The following ARHGEF18 variants were observed in gnomAD, a reference collection of about 807,000 sequenced individuals.
ARHGEF18 encodes the protein Rho/Rac guanine nucleotide exchange factor 18, also known as rho guanine nucleotide exchange factor 18.
Under a neutral mutation model 155.7 loss-of-function variants are expected in ARHGEF18, and 93 were observed. The observed-to-expected ratio is 0.60, with a 90% confidence interval of 0.50 to 0.71. The LOEUF is 0.71. ARHGEF18 is among the 30% of genes least tolerant of loss of function. ARHGEF18 has a pLI of 0.00. For missense variants in ARHGEF18, 1,593 were observed against 1,816.1 expected, an observed-to-expected ratio of 0.88 and a Z score of 2.23; for synonymous variants, 742 against 753.1, an observed-to-expected ratio of 0.99 and a Z score of 0.24.
At position 7,440,817 on chromosome 19, in the gene ARHGEF18, T is replaced by A. The variant is rs1245234686; in HGVS notation, c.1106+335T>A. 6.6e-6 allele frequency among the ~76,000 whole-genome samples: 1 copy of A among 152,190 alleles called. No homozygotes were observed. The highest frequency in any genetic ancestry group is 1.5e-5 in the Non-Finnish European group (1 of 68,030). On this transcript the variant is annotated intron_variant, in intron 11 of 28. Coordinates refer to ENST00000668164, the MANE Select transcript of ARHGEF18 (RefSeq NM_001367823.1). The surrounding 1 kb of genome is among the most constrained non-coding windows in gnomAD (Gnocchi z 5.4). ...TGTGTGGAGGCGGCGTCCCATTATC[T>A]GTGCCTTACCTCGTTTTATAGGACT...
the ARHGEF18 span, chr19:7,478,338 C>T: frequency 1.8e-4 from 289 of 1,610,862 alleles, no homozygotes; most frequent in Non-Finnish European, 2.1e-4. Flanking sequence ...CGTGGGGCTC[C>T]GCAGCCTCTG....
chr19:7,425,406 G>C (rs1368560633), intron 10 of ARHGEF18, among the ~76,000 whole-genome samples: 1 of 152,134 alleles, frequency 6.6e-6, no homozygotes. Context: ...AGAATGGGCC[G>C]GGCACAGTGG....
intron 15 of ARHGEF18, 130 bp from the exon 16 acceptor site, chr19:7,451,019 A>T: frequency 1.2e-6 from 1 of 840,660 alleles, no homozygotes; most frequent in South Asian, 1.5e-5. Context: ...CGAGATGTTA[A>T]TATGGGATCT....
chr19:7,387,908 A>G (rs1400955493), intron 10 of ARHGEF18, among the ~76,000 whole-genome samples: 5 of 151,324 alleles, frequency 3.3e-5, no homozygotes, highest in African/African-American at 9.7e-5. Context: ...CAAGTGATAC[A>G]CCCACCTCAG....
intron 10 of ARHGEF18, chr19:7,390,662 C>T (rs1408483326): frequency 6.6e-6 from 1 of 152,126 alleles, no homozygotes; most frequent in Admixed American, 6.6e-5. Context: ...CATTTAAAGT[C>T]TTTCAGCCAG....
the ARHGEF18 span, chr19:7,478,186 G>A: frequency 1.0e-6 from 1 of 982,288 alleles, no homozygotes; most frequent in Non-Finnish European, 1.5e-6. Flanking sequence ...ACCAGAGGCT[G>A]TGATGACTCC....
rs375057620 is a variant in ARHGEF18, at chr19:7,380,080, G to T, written c.645-837G>T. On this transcript the variant is annotated intron_variant, in intron 7 of 28. Coordinates refer to ENST00000668164, the MANE Select transcript of ARHGEF18 (RefSeq NM_001367823.1). ...CTACTCTGGGGGGTGTGGGGGTGTTGACGCAGGAGGATGGCTGAGTCCAGG... is the reference window on the plus strand; with the variant it reads ...CTACTCTGGGGGGTGTGGGGGTGTTTACGCAGGAGGATGGCTGAGTCCAGG... Among the ~76,000 whole-genome samples the T allele has an allele frequency of 8.6e-5, 13 of 150,974 alleles. No homozygotes were observed. In the East Asian group the frequency reaches 1.6e-3, roughly 18 times the overall value.
At chr19:7,421,480 G>A (rs1163289048) in intron 10 of ARHGEF18, among the ~76,000 whole-genome samples, 1 of 152,104 alleles carries the variant, frequency 6.6e-6, no homozygotes, top group African/African-American at 2.4e-5. Flanking sequence ...CCCAGCTTTG[G>A]CCGGTTGCAG....
At chr19:7,393,323 G>T (rs1284842692) in intron 10 of ARHGEF18, among the ~76,000 whole-genome samples, 1 of 152,144 alleles carries the variant, frequency 6.6e-6, no homozygotes, top group Non-Finnish European at 1.5e-5. Context: ...TCTGAACTGG[G>T]GACTCTCAAC....
rs770051796 is a variant in ARHGEF18 at position 7,453,435 on chromosome 19, A to G, written c.1856-32A>G. 3.2e-6 allele frequency: 5 copies of G among 1,557,686 alleles called. No homozygotes were observed. In the African/African-American group the frequency reaches 4.1e-5, roughly 13 times the overall value. ...CCACTTCTGTTGTGTTAAAGTGGAA[A>G]AGAAAGACGCTAACTCTGCTATGTG... On this transcript the variant is annotated intron_variant, in intron 16 of 28. Transcript: ENST00000668164.
intron 18 of ARHGEF18, 85 bp downstream of exon 18, chr19:7,456,488 G>A: frequency 7.9e-7 from 1 of 1,260,738 alleles, no homozygotes; most frequent in Non-Finnish European, 1.2e-6. Flanking sequence ...AGGCCGAGGT[G>A]GGCAGATCAC....
intron 10 of ARHGEF18, among the ~76,000 whole-genome samples, chr19:7,400,595 G>A (rs1481711745): frequency 6.6e-6 from 1 of 152,186 alleles, no homozygotes; most frequent in African/African-American, 2.4e-5. Context: ...TACTTTGGAA[G>A]GCTGAGGCAG....
intron 15 of ARHGEF18, 39 bp from the exon 16 acceptor site, chr19:7,451,110 C>A (rs369872943): frequency 1.9e-6 from 3 of 1,590,462 alleles, no homozygotes; most frequent in Non-Finnish European, 2.6e-6. Flanking sequence ...CTGTCCGTTT[C>A]TGAGATGTTA....
chr19:7,396,693 G>A (rs1284487150), intron 10 of ARHGEF18, among the ~76,000 whole-genome samples: 2 of 150,592 alleles, frequency 1.3e-5, no homozygotes, highest in African/African-American at 4.9e-5. Context: ...CCAGCCTGGC[G>A]ACAGAGCAAG....
the ARHGEF18 span, among the ~76,000 whole-genome samples, chr19:7,479,575 C>CA: frequency 2.6e-5 from 4 of 152,258 alleles, no homozygotes; most frequent in South Asian, 8.3e-4. Context: ...GGCCTTAGGG[C>CA]AGATGTCTGG....
At chr19:7,403,209 T>C (rs1338321993) in intron 10 of ARHGEF18, among the ~76,000 whole-genome samples, 1 of 152,146 alleles carries the variant, frequency 6.6e-6, no homozygotes, top group Admixed American at 6.6e-5. Context: ...CCCAAAGTGG[T>C]GGGATTACAG....
chr19:7,388,586 T>G (rs1971210389), intron 10 of ARHGEF18, among the ~76,000 whole-genome samples: 1 of 152,012 alleles, frequency 6.6e-6, no homozygotes, highest in South Asian at 2.1e-4. Flanking sequence ...TTTATTTTTA[T>G]TTATTTATTT....
chr19:7,430,015 A>G (rs1159762383), intron 10 of ARHGEF18, among the ~76,000 whole-genome samples: 1 of 151,194 alleles, frequency 6.6e-6, no homozygotes, highest in Admixed American at 6.6e-5. Context: ...TTCAGTTTAC[A>G]GAAAAATTGC....
At chr19:7,412,801 G>A (rs1389087424) in intron 10 of ARHGEF18, among the ~76,000 whole-genome samples, 2 of 151,860 alleles carry the variant, frequency 1.3e-5, no homozygotes, top group Non-Finnish European at 1.5e-5. Flanking sequence ...TGAAGTGGGC[G>A]GTTTTGCTTT....
Sources: allele counts gnomAD v4.1 joint callset (sites outside exome capture counted in the v4.1 genomes callset), GRCh38; gene constraint gnomAD v4.1.1; non-coding constraint Gnocchi (gnomAD v3.1); transcripts MANE v1.5; gene names NCBI Gene and HGNC (gene_info 2026-07-23, HGNC 2026-07-21).